SPATA16: variants seen among roughly 807,000 people sequenced by gnomAD.
SPATA16 encodes spermatogenesis-associated protein 16.
Under a neutral mutation model 63.3 loss-of-function variants are expected in SPATA16, and 36 were observed. The ratio of observed to expected loss-of-function variants is 0.57; its 90% CI spans 0.44 to 0.75. SPATA16 has a LOEUF of 0.75. Ranked by LOEUF, SPATA16 falls within the 30% of genes least tolerant of loss-of-function variation. SPATA16 has a pLI of 0.00. For synonymous variants in SPATA16, 203 were observed against 216.7 expected (o/e 0.94, Z 0.56); for missense variants, 646 against 679.3 (o/e 0.95, Z 0.54).
At chr3:173,105,877 A>G (rs1233130251) in intron 2 of SPATA16, among the ~76,000 whole-genome samples, 4 of 149,390 alleles carry the variant, frequency 2.7e-5, no homozygotes, top group Admixed American at 1.3e-4. Context: ...CTATTTATAG[A>G]TAGATAGAGA....
At chr3:173,116,764 A>G (rs987174618) in intron 2 of SPATA16, among the ~76,000 whole-genome samples, 1 of 152,234 alleles carries the variant, frequency 6.6e-6, no homozygotes, top group Admixed American at 6.5e-5. Flanking sequence ...TAGAGAATCT[A>G]TATTCTACCC....
intron 4 of SPATA16, among the ~76,000 whole-genome samples, chr3:173,018,487 G>A (rs1199318686): frequency 6.6e-6 from 1 of 151,998 alleles, no homozygotes; most frequent in African/African-American, 2.4e-5. Flanking sequence ...TGTTGGTCAG[G>A]CTGGTCTCAA....
At chr3:173,127,717 G>A (rs776495150) in intron 1 of SPATA16, among the ~76,000 whole-genome samples, 11 of 152,306 alleles carry the variant, frequency 7.2e-5, no homozygotes, top group African/African-American at 1.2e-4. Context: ...TACAACGTCC[G>A]CTTGCTTTTC....
At chr3:172,941,598 A>G (rs954994344) in intron 6 of SPATA16, among the ~76,000 whole-genome samples, 4 of 152,210 alleles carry the variant, frequency 2.6e-5, no homozygotes, top group Non-Finnish European at 5.9e-5. Context: ...TCTAAGAACT[A>G]GGGTGAATTA....
intron 1 of SPATA16, among the ~76,000 whole-genome samples, chr3:173,132,537 G>C (rs1274252534): frequency 6.6e-6 from 1 of 152,080 alleles, no homozygotes; most frequent in Non-Finnish European, 1.5e-5. Flanking sequence ...TTAAAACCTA[G>C]GCAGAATTAA....
chr3:172,941,649 C>T (rs952376958), intron 6 of SPATA16, among the ~76,000 whole-genome samples: 2 of 152,052 alleles, frequency 1.3e-5, no homozygotes, highest in Admixed American at 6.5e-5. Context: ...AGTATACTTC[C>T]AACAGACTCT....
intron 5 of SPATA16, among the ~76,000 whole-genome samples, chr3:172,957,634 C>T (rs1049646676): frequency 6.6e-6 from 1 of 152,044 alleles, no homozygotes; most frequent in African/African-American, 2.4e-5. Flanking sequence ...TTTAATATGG[C>T]ATAAAAGCAT....
At chr3:173,078,670 C>A (rs1360995159) in intron 2 of SPATA16, among the ~76,000 whole-genome samples, 1 of 152,104 alleles carries the variant, frequency 6.6e-6, no homozygotes, top group African/African-American at 2.4e-5. Flanking sequence ...ACTTCCCAAC[C>A]GTCACATTTG....
intron 8 of SPATA16, among the ~76,000 whole-genome samples, chr3:172,923,172 T>C (rs1732653155): frequency 6.6e-6 from 1 of 152,136 alleles, no homozygotes; most frequent in Non-Finnish European, 1.5e-5. Flanking sequence ...TGGTGTTTTG[T>C]TATGGCAGCC....
At chr3:173,116,976 G>T in intron 2 of SPATA16, 144 bp downstream of exon 2, 1 of 867,832 alleles carries the variant, frequency 1.2e-6, no homozygotes, top group Non-Finnish European at 1.9e-6. Flanking sequence ...TATGTAAACT[G>T]GGAACTGCAA....
At chr3:172,999,770 G>A (rs1204887759) in intron 4 of SPATA16, among the ~76,000 whole-genome samples, 1 of 152,152 alleles carries the variant, frequency 6.6e-6, no homozygotes, top group East Asian at 1.9e-4. Context: ...ACCCTGGCTA[G>A]AAACATCAGT....
At chr3:173,061,850 A>G (rs529363946) in intron 2 of SPATA16, among the ~76,000 whole-genome samples, 6 of 152,324 alleles carry the variant, frequency 3.9e-5, no homozygotes, top group East Asian at 1.9e-4. Context: ...GTGAAGAATT[A>G]TATTCATACA....
intron 2 of SPATA16, among the ~76,000 whole-genome samples, chr3:173,113,116 A>G (rs1021685498): frequency 7.2e-5 from 11 of 152,226 alleles, no homozygotes; most frequent in Admixed American, 6.5e-4. Context: ...ATTACATAGT[A>G]GTATGTATTG....
chr3:173,130,073 C>T (rs1422671189), intron 1 of SPATA16, among the ~76,000 whole-genome samples: 1 of 151,990 alleles, frequency 6.6e-6, no homozygotes, highest in Non-Finnish European at 1.5e-5. Flanking sequence ...CATACAAATC[C>T]TATAATCGCC....
chr3:173,000,701 A>C (rs1734799737), intron 4 of SPATA16, among the ~76,000 whole-genome samples: 1 of 144,694 alleles, frequency 6.9e-6, no homozygotes, highest in Non-Finnish European at 1.5e-5. Flanking sequence ...CAGTTCTTGG[A>C]TATTCTGTTC....
intron 2 of SPATA16, among the ~76,000 whole-genome samples, chr3:173,094,289 C>G (rs1474288440): frequency 6.6e-6 from 1 of 152,062 alleles, no homozygotes; most frequent in African/African-American, 2.4e-5. Flanking sequence ...TATAGTTTGC[C>G]TGGTAGCTAT....
At chr3:173,036,427 A>G (rs1346225771) in intron 3 of SPATA16, among the ~76,000 whole-genome samples, 1 of 152,066 alleles carries the variant, frequency 6.6e-6, no homozygotes, top group Non-Finnish European at 1.5e-5. Flanking sequence ...TTGGTTTTGC[A>G]TAATGAAATG....
chr3:173,048,324 C>A (rs1183809155), intron 3 of SPATA16, among the ~76,000 whole-genome samples: 4 of 151,886 alleles, frequency 2.6e-5, no homozygotes, highest in African/African-American at 9.7e-5. Context: ...GAGAGAAAGA[C>A]CCCTAAAACA....
intron 10 of SPATA16, among the ~76,000 whole-genome samples, chr3:172,906,667 GA>G (rs1168455397): frequency 1.3e-5 from 2 of 152,204 alleles, no homozygotes; most frequent in African/African-American, 4.8e-5. Context: ...AGGGTCAGAT[GA>G]ATTCCTAGCT....
Sources: gnomAD v4.1 joint callset for allele counts (sites outside exome capture counted in the v4.1 genomes callset) on GRCh38, gnomAD v4.1.1 for gene constraint, MANE v1.5 for transcripts, NCBI Gene and HGNC (gene_info 2026-07-23, HGNC 2026-07-21) for gene names.